CREG2: variants seen among roughly 807,000 people sequenced by gnomAD.
CREG2 encodes the protein protein CREG2.
CREG2 carries 24 observed loss-of-function variants against 26.2 expected under a neutral mutation model. The observed-to-expected ratio is 0.92, with a 90% confidence interval of 0.66 to 1.29. CREG2 has a LOEUF of 1.29. Ranked by LOEUF, CREG2 falls within the 50% of genes most tolerant of loss-of-function variation. The pLI, the probability that CREG2 is intolerant of heterozygous loss-of-function variation, is 0.00. For missense variants in CREG2, 366 were observed against 398.6 expected (o/e 0.92, Z 0.70); for synonymous variants, 174 against 169.2 (o/e 1.03, Z -0.22).
chr2:101,373,016 T>C (rs140444030), intron 2 of CREG2, among the ~76,000 whole-genome samples: 4 of 152,248 alleles, frequency 2.6e-5, no homozygotes, highest in African/African-American at 9.6e-5. Flanking sequence ...CAAAGGGCAA[T>C]CAGAACCCTC....
rs770725524 is a variant in CREG2, at chr2:101,387,181, G to T, written c.277C>A (p.Arg93=). The T allele has an allele frequency of 2.3e-5, 31 of 1,330,184 alleles. 1 individual carries two copies. In the South Asian group the frequency reaches 5.9e-4, roughly 25 times the overall value. The allele number at this position is 1,330,184 out of a possible 1,614,324, so 82.4% of individuals were successfully genotyped here. ...AHLRPRAGAA[R]ARPPPAPPGM... ...GGTGGCGCGGGGGGCGGCCTGGCCC[G>T]GGCGGCGCCCGCCCGGGGCCGCAGG... is the stretch of plus-strand genomic sequence containing the variant. Residue 93 remains arginine (R), a synonymous_variant, in exon 1 of 4, where the codon CGG becomes AGG. Coordinates refer to ENST00000324768, the MANE Select transcript of CREG2 (RefSeq NM_153836.4). The surrounding 1 kb of genome is among the most constrained non-coding windows in gnomAD (Gnocchi z 4.7).
chr2:101,355,916 C>CTCAGGCGAG (rs548345619), intron 2 of CREG2, among the ~76,000 whole-genome samples: 336 of 152,276 alleles, frequency 2.2e-3, no homozygotes, highest in African/African-American at 7.8e-3. Context: ...TGTTAATCAG[C>CTCAGGCGAG]TCAGTGGCGA....
Position 101,347,009 on chromosome 2 carries a change from C to G in CREG2, c.*3914G>C, listed in dbSNP as rs1285294733. 1 of 152,186 alleles carries G rather than the reference C, an allele frequency of 6.6e-6. No individual in the cohort carries two copies. The highest frequency in any genetic ancestry group is 1.5e-5 in the Non-Finnish European group (1 of 68,042). 9.4% of individuals were successfully genotyped at this position (152,186 alleles called of 1,614,324 possible). A position where few individuals can be genotyped will look rare whatever the true frequency, so the allele number is the denominator to read the frequency against. On this transcript the variant is annotated 3_prime_UTR_variant, in exon 4 of 4. Transcript: ENST00000324768. ...GTTCTCCCCACTCCTCCCTGGCAAC[C>G]CCTAATCTATTCTCCATTCCTATAA...
At chr2:101,351,432 C>G (rs1238029108) in intron 3 of CREG2, among the ~76,000 whole-genome samples, 1 of 152,206 alleles carries the variant, frequency 6.6e-6, no homozygotes, top group Non-Finnish European at 1.5e-5. Context: ...TGTGGGGAAG[C>G]AGGCAATGAA....
intron 2 of CREG2, among the ~76,000 whole-genome samples, chr2:101,365,319 T>C (rs936755057): frequency 6.6e-6 from 1 of 152,184 alleles, no homozygotes; most frequent in Non-Finnish European, 1.5e-5. Flanking sequence ...AGCTTGTCAA[T>C]GTTCCTGTTA....
chr2:101,366,450 G>T (rs1465965987), intron 2 of CREG2, among the ~76,000 whole-genome samples: 3 of 151,870 alleles, frequency 2.0e-5, no homozygotes, highest in Non-Finnish European at 4.4e-5. Flanking sequence ...CACATCCATG[G>T]ATTTTTGCAT....
At chr2:101,352,707 C>G (rs931580727) in intron 3 of CREG2, among the ~76,000 whole-genome samples, 2 of 152,172 alleles carry the variant, frequency 1.3e-5, no homozygotes, top group African/African-American at 4.8e-5. Flanking sequence ...ACTCGGAAGT[C>G]TGAGGCACAA....
intron 2 of CREG2, among the ~76,000 whole-genome samples, chr2:101,380,651 A>G (rs947044785): frequency 6.6e-6 from 1 of 152,236 alleles, no homozygotes; most frequent in Non-Finnish European, 1.5e-5. Context: ...ATGGTTAAAA[A>G]TGCTGTTGCA....
chr2:101,358,148 T>C (rs1364136632), intron 2 of CREG2, among the ~76,000 whole-genome samples: 3 of 152,098 alleles, frequency 2.0e-5, no homozygotes, highest in African/African-American at 7.2e-5. Flanking sequence ...CACACCACCA[T>C]GCCTGGCTAA....
At chr2:101,358,124 T>A (rs1247174586) in intron 2 of CREG2, among the ~76,000 whole-genome samples, 1 of 152,110 alleles carries the variant, frequency 6.6e-6, no homozygotes, top group Non-Finnish European at 1.5e-5. Context: ...CCCAAATAGC[T>A]GGGATTACAG....
intron 2 of CREG2, among the ~76,000 whole-genome samples, chr2:101,358,992 G>A (rs1452316889): frequency 2.4e-5 from 1 of 41,838 alleles, no homozygotes; most frequent in Admixed American, 3.7e-4. Flanking sequence ...CCGAGATCCC[G>A]CCACTGCACT....
At chr2:101,355,017 A>G (rs1684435065) in intron 3 of CREG2, among the ~76,000 whole-genome samples, 1 of 152,162 alleles carries the variant, frequency 6.6e-6, no homozygotes, top group Non-Finnish European at 1.5e-5. Flanking sequence ...AAAGGTTGGA[A>G]GTAGGTAGGA....
chr2:101,349,611 T>C lies in CREG2; in HGVS notation c.*1312A>G, dbSNP rs1684348322. The C allele has an allele frequency of 6.6e-6, 1 of 152,540 alleles. No individual in the cohort carries two copies. The highest frequency in any genetic ancestry group is 2.4e-5 in the African/African-American group (1 of 41,430). 9.4% of individuals were successfully genotyped at this position (152,540 alleles called of 1,614,324 possible). On this transcript the variant is annotated 3_prime_UTR_variant, in exon 4 of 4. Transcript: ENST00000324768. The stretch of plus-strand genomic sequence containing the variant: ...TTTTAATGATCAGAGGTCTTAGATA[T>C]ATATACATAGGTCCATGTAGACCTT...
intron 3 of CREG2, 94 bp from the exon 4 acceptor site, chr2:101,351,164 T>C: frequency 7.9e-7 from 1 of 1,273,800 alleles, no homozygotes; most frequent in Non-Finnish European, 1.1e-6. Flanking sequence ...CAGGCCTCAT[T>C]TGGGCTGACA....
chr2:101,366,293 T>A (rs1001727483), intron 2 of CREG2, among the ~76,000 whole-genome samples: 1 of 152,186 alleles, frequency 6.6e-6, no homozygotes, highest in African/African-American at 2.4e-5. Context: ...CAACCTCTGA[T>A]TTTTGAGACT....
chr2:101,348,438 T>G lies in CREG2; in HGVS notation c.*2485A>C, dbSNP rs1335437475. The G allele has an allele frequency of 6.6e-6, 1 of 152,228 alleles. No individual in the cohort carries two copies. The highest frequency in any genetic ancestry group is 1.5e-5 in the Non-Finnish European group (1 of 68,032). 9.4% of individuals were successfully genotyped at this position (152,228 alleles called of 1,614,324 possible). ...TCTTCCAATCCAAGAACATGGTATC[T>G]CTCTTTCTTTGTTTAGGTCATTAAT... On this transcript the variant is annotated 3_prime_UTR_variant, in exon 4 of 4. Transcript: ENST00000324768.
chr2:101,364,998 G>A (rs891136931), intron 2 of CREG2, among the ~76,000 whole-genome samples: 2 of 152,222 alleles, frequency 1.3e-5, no homozygotes, highest in East Asian at 1.9e-4. Flanking sequence ...CGTAGGAGGC[G>A]TGGAATGGAA....
Position 101,383,614 on chromosome 2 carries a change from G to A in CREG2, c.530C>T (p.Ala177Val). Residue 177 changes from alanine (A) to valine (V), a missense_variant, in exon 2 of 4, where the codon GCC becomes GTC. Coordinates refer to ENST00000324768, the MANE Select transcript of CREG2 (RefSeq NM_153836.4). Reference sequence around the variant, plus strand: ...CAGATCAGCCACCACGGGGTCCTTGGCTGTCATGTAGAAGAAAGGAATCCC... The same window carrying A: ...CAGATCAGCCACCACGGGGTCCTTGACTGTCATGTAGAAGAAAGGAATCCC... ...STGIPFFYMT[A>V]KDPVVADLMK... The A allele has an allele frequency of 1.2e-6, 2 of 1,614,196 alleles. No individual in the cohort carries two copies. The highest frequency in any genetic ancestry group is 1.1e-5 in the South Asian group (1 of 91,082).
chr2:101,364,144 A>G (rs1573307390), intron 2 of CREG2, among the ~76,000 whole-genome samples: 1 of 152,314 alleles, frequency 6.6e-6, no homozygotes, highest in East Asian at 1.9e-4. Context: ...TCCTACCCCA[A>G]ATGCCAATAG....
Sources: allele counts gnomAD v4.1 joint callset (sites outside exome capture counted in the v4.1 genomes callset), GRCh38; gene constraint gnomAD v4.1.1; non-coding constraint Gnocchi (gnomAD v3.1); transcripts MANE v1.5; gene names NCBI Gene and HGNC (gene_info 2026-07-23, HGNC 2026-07-21).